SHOX: variants seen among roughly 807,000 people sequenced by gnomAD.
The protein encoded by SHOX is short stature homeobox protein.
A neutral mutation model predicts 29.6 loss-of-function variants in SHOX; 12 were observed. The ratio of observed to expected loss-of-function variants is 0.41; its 90% CI spans 0.26 to 0.66. The LOEUF (loss-of-function observed/expected upper bound fraction) is 0.66, where lower values mean the gene tolerates loss of function less well. Among genes scored for constraint, SHOX ranks in the 30% least tolerant of loss-of-function variants. SHOX has a pLI of 0.35. For missense variants in SHOX, 499 were observed against 437.7 expected (o/e 1.14, Z -1.25); for synonymous variants, 214 against 200.6 (o/e 1.07, Z -0.57).
intron 1 of SHOX, among the ~76,000 whole-genome samples, chrX:625,344 C>A (rs73187997): frequency 9.9e-5 from 15 of 151,978 alleles, no homozygotes; most frequent in Non-Finnish European, 1.5e-4. Flanking sequence ...TCTCTGAAAC[C>A]TGATTCTTTT....
downstream of SHOX, among the ~76,000 whole-genome samples, chrX:653,818 G>A (rs1396460748): frequency 3.3e-5 from 5 of 151,958 alleles, no homozygotes; most frequent in Admixed American, 1.3e-4. Flanking sequence ...ATGTTTAATA[G>A]CAGACAATGT....
chrX:632,465 A>G (rs2052667818), intron 1 of SHOX, among the ~76,000 whole-genome samples: 1 of 152,160 alleles, frequency 6.6e-6, no homozygotes, highest in South Asian at 2.1e-4. Flanking sequence ...AGACGCAGAG[A>G]ATCTAGCCTC....
At chrX:640,689 C>T (rs944565323) in intron 2 of SHOX, 132 bp from the exon 3 acceptor site, 9 of 918,538 alleles carry the variant, frequency 9.8e-6, no homozygotes, top group Admixed American at 5.5e-5. Flanking sequence ...AGTGTCTGGG[C>T]GCCCACCATC....
At chrX:655,568 GTCTCTCTC>G (rs1228178183), downstream of SHOX, among the ~76,000 whole-genome samples, 377 of 87,594 alleles carry the variant, frequency 4.3e-3, 6 homozygotes, top group East Asian at 0.012. Flanking sequence ...CTCTCTCTCT[GTCTCTCTC>G]TCTCTCTCTC....
At chrX:630,665 G>C, upstream of SHOX, 1 of 608,366 alleles carries the variant, frequency 1.6e-6, no homozygotes, top group Non-Finnish European at 2.9e-6. Context: ...GGGGGTGGGG[G>C]AGACACAGCG....
At position 634,914 on chromosome X, in the gene SHOX, G is replaced by C. The variant is rs921638654; in HGVS notation, c.486+88G>C. ...GCACGCGTACAGCCACCTGCGCCCG[G>C]GCCGCCGCCGTCCCCTTCCCGGAGC... On this transcript the variant is annotated intron_variant, in intron 2 of 4. Transcript: ENST00000686671. 4 of 1,384,332 alleles carry C rather than the reference G, an allele frequency of 2.9e-6. No individual in the cohort carries two copies. The South Asian group carries it at 4.1e-5, about 14-fold the overall frequency. 85.8% of individuals were successfully genotyped at this position (1,384,332 alleles called of 1,614,324 possible). A position where few individuals can be genotyped will look rare whatever the true frequency, so the allele number is the denominator to read the frequency against.
chrX:630,044 A>G (rs1311047193), upstream of SHOX, among the ~76,000 whole-genome samples: 1 of 151,998 alleles, frequency 6.6e-6, no homozygotes, highest in African/African-American at 2.4e-5. Flanking sequence ...AAGAATATAG[A>G]TCTTTACGAA....
Position 651,512 on chromosome X carries a change from T to TTTTTGTA in SHOX, c.*6882_*6883insATTTTGT. 2.4e-6 allele frequency: 1 copy of TTTTTGTA among 414,038 alleles called. No individual in the cohort carries two copies. The highest frequency in any genetic ancestry group is 1.8e-5 in the South Asian group (1 of 56,710). 25.6% of individuals were successfully genotyped at this position (414,038 alleles called of 1,614,324 possible). A position where few individuals can be genotyped will look rare whatever the true frequency, so the allele number is the denominator to read the frequency against. ...TGTTGAGTTGCAGCAACAGACTGTA[T>TTTTTGTA]TTTTGTGACGCCCCGTAGTATGAAT... On this transcript the variant is annotated 3_prime_UTR_variant, in exon 5 of 5. Transcript: ENST00000686671.
rs62586122 is a variant in SHOX, at chrX:658,731, A to G, written c.634-54A>G. 0.25 allele frequency: 76,197 copies of G among 309,832 alleles called. 11,610 individuals are homozygous for G. The highest frequency in any genetic ancestry group is 0.31 in the Non-Finnish European group (47,194 of 151,542). The allele number at this position is 309,832 out of a possible 1,614,324, so 19.2% of individuals were successfully genotyped here. On this transcript the variant is annotated intron_variant, in intron 5 of 5. Coordinates refer to the SHOX transcript ENST00000334060. ...ATGATCCGTCCGCCTCAGCCTCCCA[A>G]AGTGCTGGGACTACAGGCGTGAGCC...
intron 3 of SHOX, 43 bp downstream of exon 3, chrX:640,921 C>G: frequency 6.2e-7 from 1 of 1,613,518 alleles, no homozygotes; most frequent in East Asian, 2.2e-5. Flanking sequence ...GGGGATCCTG[C>G]TCCAGGAGGG....
chrX:651,028 C>T lies in SHOX; in HGVS notation c.*6392C>T, dbSNP rs2053051934. 6.6e-6 allele frequency among the ~76,000 whole-genome samples: 1 copy of T among 152,014 alleles called. No homozygotes were observed. Among genetic ancestry groups the T allele is most frequent in the African/African-American group, 2.4e-5 (1 of 41,388 alleles). ...GGGATGTGGCTTCACGAGTTCAGCC[C>T]ATTGTACGTGCAGGTCCCGTGGGAA... On this transcript the variant is annotated 3_prime_UTR_variant, in exon 5 of 5. Transcript: ENST00000686671.
At chrX:655,614 C>CTATATATATA (rs1173014302), downstream of SHOX, among the ~76,000 whole-genome samples, 8 of 35,080 alleles carry the variant, frequency 2.3e-4, no homozygotes, top group South Asian at 1.2e-3. Context: ...CTCTCTCTCT[C>CTATATATATA]TATATATATA....
intron 2 of SHOX, among the ~76,000 whole-genome samples, chrX:640,406 C>T (rs1480668368): frequency 1.3e-5 from 2 of 151,604 alleles, no homozygotes; most frequent in Non-Finnish European, 2.9e-5. Context: ...GGTGAAACCG[C>T]GTCTCTACTA....
At chrX:643,316 G>A (rs1439145197) in intron 4 of SHOX, among the ~76,000 whole-genome samples, 3 of 146,674 alleles carry the variant, frequency 2.0e-5, no homozygotes, top group Non-Finnish European at 3.0e-5. Context: ...CTGGTGAGCC[G>A]GGAGAGGCTT....
intron 1 of SHOX, among the ~76,000 whole-genome samples, chrX:633,940 C>G (rs1270713123): frequency 2.0e-5 from 3 of 152,362 alleles, no homozygotes; most frequent in East Asian, 1.9e-4. Flanking sequence ...AGGTCACCAA[C>G]TACTGGAGAT....
chrX:625,523 CTCTG>C (rs2052508371), intron 1 of SHOX, among the ~76,000 whole-genome samples: 1 of 151,770 alleles, frequency 6.6e-6, no homozygotes, highest in Admixed American at 6.6e-5. Flanking sequence ...CTCTGTCTAT[CTCTG>C]TATCTCTGTC....
chrX:636,993 G>A (rs1212444898), intron 2 of SHOX, among the ~76,000 whole-genome samples: 2 of 143,964 alleles, frequency 1.4e-5, no homozygotes, highest in East Asian at 3.9e-4. Context: ...ATTCTCTTCC[G>A]TCTTCCCATG....
At chrX:652,241 A>T (rs2053077336), downstream of SHOX, among the ~76,000 whole-genome samples, 1 of 151,756 alleles carries the variant, frequency 6.6e-6, no homozygotes, top group African/African-American at 2.4e-5. Context: ...AGTGGCACGG[A>T]TTTTCCAGCA....
chrX:626,422 TGTCTTC>T (rs1173894553), upstream of SHOX, among the ~76,000 whole-genome samples: 1 of 116,468 alleles, frequency 8.6e-6, no homozygotes, highest in Non-Finnish European at 1.9e-5. Context: ...TCTTTCTCTC[TGTCTTC>T]GTTCCTCTCT....
Sources: allele counts gnomAD v4.1 joint callset (sites outside exome capture counted in the v4.1 genomes callset), GRCh38; gene constraint gnomAD v4.1.1; transcripts MANE v1.5; gene names NCBI Gene and HGNC (gene_info 2026-07-23, HGNC 2026-07-21).